The following PLCB1 variants were observed in gnomAD, a reference collection of about 807,000 sequenced individuals.
PLCB1 encodes phospholipase C beta 1.
PLCB1 carries 46 observed loss-of-function variants against 161.8 expected under a neutral mutation model. The ratio of observed to expected loss-of-function variants is 0.28; its 90% CI spans 0.22 to 0.36. PLCB1 has a LOEUF of 0.36. Ranked by LOEUF, PLCB1 falls within the 10% of genes least tolerant of loss-of-function variation. The pLI, the probability that PLCB1 is intolerant of heterozygous loss-of-function variation, is 1.00. For synonymous variants in PLCB1, 517 were observed against 503.7 expected, an observed-to-expected ratio of 1.03 and a Z score of -0.35; for missense variants, 1,016 against 1,472.5, an observed-to-expected ratio of 0.69 and a Z score of 5.07.
At position 8,422,441 on chromosome 20, in the gene PLCB1, C is replaced by T. The variant is rs192679680; in HGVS notation, c.246+50991C>T. 5.9e-5 allele frequency among the ~76,000 whole-genome samples: 9 copies of T among 152,244 alleles called. No homozygotes were observed. The East Asian group carries it at 7.7e-4, about 13-fold the overall frequency. ...CTAAAACGTATACAGTTGACCCAGA[C>T]GGAGAACAAGGGCCCCTTCTCAGGT... On this transcript the variant is annotated intron_variant, in intron 3 of 31. Coordinates refer to ENST00000338037, the MANE Select transcript of PLCB1 (RefSeq NM_015192.4).
Position 8,765,158 on chromosome 20 carries a change from C to A in PLCB1, c.2730C>A (p.Ile910=), listed in dbSNP as rs773379327. The change falls in exon 26 of 32, where the codon ATC becomes ATA. Residue 910 remains isoleucine, a synonymous_variant. Coordinates refer to ENST00000338037, the MANE Select transcript of PLCB1 (RefSeq NM_015192.4). ...SVLTEVEAQT[I]EELKQQKSFV... Reference sequence around the variant, plus strand: ...TTGCAGAAGTGGAAGCACAGACCATCGAAGAACTAAAGCAACAGAAATCGT... The same window carrying A: ...TTGCAGAAGTGGAAGCACAGACCATAGAAGAACTAAAGCAACAGAAATCGT... 6 of 1,613,382 alleles carry A rather than the reference C, an allele frequency of 3.7e-6. No individual in the cohort carries two copies. Among genetic ancestry groups the A allele is most frequent in the Non-Finnish European group, 4.2e-6 (5 of 1,179,774 alleles).
At chr20:8,688,985 T>G (rs549514247) in intron 10 of PLCB1, among the ~76,000 whole-genome samples, 1 of 152,208 alleles carries the variant, frequency 6.6e-6, no homozygotes, top group South Asian at 2.1e-4. Context: ...GAGCATGGGA[T>G]GTGTTTTCAT....
intron 7 of PLCB1, chr20:8,651,395 A>G: frequency 2.8e-6 from 2 of 715,770 alleles, no homozygotes; most frequent in South Asian, 3.0e-5. Flanking sequence ...CCTCTTCACT[A>G]TCACCTTTCT....
chr20:8,166,305 A>T (rs2051674346), intron 2 of PLCB1, among the ~76,000 whole-genome samples: 2 of 152,172 alleles, frequency 1.3e-5, no homozygotes, highest in African/African-American at 4.8e-5. Flanking sequence ...ATTTTAAAAC[A>T]TGCTGGCCAT....
intron 2 of PLCB1, among the ~76,000 whole-genome samples, chr20:8,154,209 G>T (rs1470184521): frequency 6.6e-6 from 1 of 152,148 alleles, no homozygotes; most frequent in Non-Finnish European, 1.5e-5. Context: ...TTTCAAGTTA[G>T]TACATGTGTG....
At chr20:8,801,942 G>A in intron 31 of PLCB1, 1 of 731,444 alleles carries the variant, frequency 1.4e-6, no homozygotes, top group Non-Finnish European at 2.5e-6. Context: ...AGTTAAAACT[G>A]TACTCTAGAA....
At chr20:8,858,292 T>C (rs1361518459) in intron 31 of PLCB1, among the ~76,000 whole-genome samples, 2 of 152,182 alleles carry the variant, frequency 1.3e-5, no homozygotes, top group Non-Finnish European at 2.9e-5. Flanking sequence ...TTATGAAATA[T>C]TTAGGTATGG....
intron 3 of PLCB1, among the ~76,000 whole-genome samples, chr20:8,459,654 A>G (rs1331179601): frequency 1.3e-5 from 2 of 152,224 alleles, no homozygotes; most frequent in Non-Finnish European, 2.9e-5. Context: ...GATCATGTAT[A>G]TTATCTAAAG....
intron 2 of PLCB1, among the ~76,000 whole-genome samples, chr20:8,296,139 G>A (rs754216893): frequency 6.6e-6 from 1 of 152,140 alleles, no homozygotes; most frequent in East Asian, 1.9e-4. Context: ...TTTTTAAAAC[G>A]AATATGTGGT....
intron 3 of PLCB1, among the ~76,000 whole-genome samples, chr20:8,504,499 T>A (rs1983550007): frequency 6.6e-6 from 1 of 152,204 alleles, no homozygotes; most frequent in Non-Finnish European, 1.5e-5. Context: ...TTAGTTATAG[T>A]TTGGGCTGTG....
At chr20:8,448,603 A>T (rs941385231) in intron 3 of PLCB1, among the ~76,000 whole-genome samples, 10 of 152,248 alleles carry the variant, frequency 6.6e-5, no homozygotes, top group African/African-American at 1.9e-4. Context: ...CTTTTGGGAC[A>T]GAAATAACAA....
chr20:8,345,394 A>C (rs1600331534), intron 2 of PLCB1, among the ~76,000 whole-genome samples: 1 of 152,194 alleles, frequency 6.6e-6, no homozygotes, highest in Non-Finnish European at 1.5e-5. Flanking sequence ...GCCCAAACTC[A>C]TCAGGCCTCG....
At chr20:8,649,956 G>A (rs6086548) in intron 7 of PLCB1, 34,543 of 152,488 alleles carry the variant, frequency 0.23, 4,121 homozygotes, top group Admixed American at 0.33. Context: ...GCTGAAAAAA[G>A]TTTATAGAGC....
intron 3 of PLCB1, among the ~76,000 whole-genome samples, chr20:8,436,170 AC>A (rs1469283944): frequency 1.3e-5 from 2 of 152,044 alleles, no homozygotes; most frequent in Admixed American, 6.6e-5. Flanking sequence ...ACCTGTCTCT[AC>A]TAAAAACACA....
intron 3 of PLCB1, among the ~76,000 whole-genome samples, chr20:8,422,557 C>T (rs951236809): frequency 1.3e-5 from 2 of 152,190 alleles, no homozygotes; most frequent in Non-Finnish European, 2.9e-5. Flanking sequence ...TGTGATTTCA[C>T]TGTCTATGAA....
chr20:8,819,401 C>T (rs1321386299), intron 31 of PLCB1, among the ~76,000 whole-genome samples: 2 of 152,118 alleles, frequency 1.3e-5, no homozygotes, highest in South Asian at 2.1e-4. Flanking sequence ...AAATATAAAA[C>T]TATAAATCTT....
At position 8,835,543 on chromosome 20, in the gene PLCB1, G is replaced by T. The variant is rs185389876; in HGVS notation, c.3423+45282G>T. Among the ~76,000 whole-genome samples, 79 of 152,092 alleles carry T rather than the reference G, an allele frequency of 5.2e-4. No individual in the cohort carries two copies. The East Asian group carries it at 0.012, about 23-fold the overall frequency. The stretch of plus-strand genomic sequence containing the variant: ...TATATATAGCAATCTACTCATTTAT[G>T]AAACAAAGAATTCCAGGCATATCTT... On this transcript the variant is annotated intron_variant, in intron 31 of 31. Coordinates refer to ENST00000338037, the MANE Select transcript of PLCB1 (RefSeq NM_015192.4).
intron 2 of PLCB1, among the ~76,000 whole-genome samples, chr20:8,228,003 A>G (rs924983768): frequency 1.3e-5 from 2 of 152,140 alleles, no homozygotes; most frequent in Non-Finnish European, 2.9e-5. Context: ...ATAAAATCTA[A>G]TGACAAACTT....
chr20:8,442,117 G>GT (rs552736709), intron 3 of PLCB1, among the ~76,000 whole-genome samples: 2 of 152,024 alleles, frequency 1.3e-5, no homozygotes, highest in East Asian at 1.9e-4. Flanking sequence ...TGATTCTGTA[G>GT]TTTTTTCCTT....
Sources: allele counts gnomAD v4.1 joint callset (sites outside exome capture counted in the v4.1 genomes callset), GRCh38; gene constraint gnomAD v4.1.1; transcripts MANE v1.5; gene names NCBI Gene and HGNC (gene_info 2026-07-23, HGNC 2026-07-21).